OTUD3: variants seen among roughly 807,000 people sequenced by gnomAD.
OTUD3 encodes the protein OTU deubiquitinase 3.
In OTUD3, 24 loss-of-function variants were observed where a neutral mutation model predicts 46.2. The ratio of observed to expected loss-of-function variants is 0.52; its 90% CI spans 0.38 to 0.73. The LOEUF is 0.73. Ranked by LOEUF, OTUD3 falls within the 30% of genes least tolerant of loss-of-function variation. The pLI is 0.00. For synonymous variants in OTUD3, 189 were observed against 195.4 expected (o/e 0.97, Z 0.27); for missense variants, 455 against 523.3 (o/e 0.87, Z 1.27).
intron 3 of OTUD3, 123 bp from the exon 4 acceptor site, chr1:19,897,417 G>A (rs1422611552): frequency 4.5e-6 from 4 of 885,244 alleles, no homozygotes; most frequent in Admixed American, 2.5e-5. Flanking sequence ...TCCCAGGTGT[G>A]TTCCCAATTA....
intron 4 of OTUD3, among the ~76,000 whole-genome samples, chr1:19,898,390 A>G (rs2045544499): frequency 6.6e-6 from 1 of 152,146 alleles, no homozygotes; most frequent in Non-Finnish European, 1.5e-5. Flanking sequence ...GCATTAAAAC[A>G]TGGTTGACAT....
At chr1:19,894,614 C>T (rs576350583) in intron 3 of OTUD3, 134 bp downstream of exon 3, 4 of 551,338 alleles carry the variant, frequency 7.3e-6, no homozygotes, top group Middle Eastern at 3.9e-4. Flanking sequence ...TAACCAAAGA[C>T]AAAAATCTTG....
In OTUD3 at chr1:19,897,549, A is replaced by G. The variant is rs528426495; in HGVS notation, c.493A>G (p.Thr165Ala). 4.3e-6 allele frequency: 7 copies of G among 1,613,884 alleles called. No homozygotes were observed. Among genetic ancestry groups the G allele is most frequent in the Non-Finnish European group, 5.9e-6 (7 of 1,179,952 alleles). ...LNAPLWQIRG[T>A]EKSSVRELHI... is the part of the protein sequence containing the mutation. Reference sequence around the variant, plus strand: ...CTTCTTTTGTCTACAGATTCGTGGTACAGAGAAAAGCAGCGTGAGGGAGTT... The same window carrying G: ...CTTCTTTTGTCTACAGATTCGTGGTGCAGAGAAAAGCAGCGTGAGGGAGTT... The change falls in exon 4 of 8, where the codon ACA becomes GCA. Residue 165 changes from threonine (T) to alanine (A), a missense_variant. Coordinates refer to ENST00000375120, the MANE Select transcript of OTUD3 (RefSeq NM_015207.2).
chr1:19,906,358 G>T, intron 6 of OTUD3, 74 bp from the exon 7 acceptor site: 7 of 1,318,714 alleles, frequency 5.3e-6, no homozygotes, highest in Non-Finnish European at 7.2e-6. Context: ...AGGTAATTTT[G>T]GAATCATTAA....
At chr1:19,891,667 G>A (rs1430949790) in intron 2 of OTUD3, among the ~76,000 whole-genome samples, 1 of 152,194 alleles carries the variant, frequency 6.6e-6, no homozygotes, top group Non-Finnish European at 1.5e-5. Flanking sequence ...TGGGTAATTG[G>A]CTGTACCGTT....
rs1318187633 is a variant in OTUD3, at chr1:19,887,949, A to G, written c.222-2436A>G. 3.9e-5 allele frequency among the ~76,000 whole-genome samples: 6 copies of G among 152,338 alleles called. No homozygotes were observed. The East Asian group carries it at 9.6e-4, about 24-fold the overall frequency. ...TGCGTGTGTTGCAATATTGTCTAAT[A>G]GTAAATTATTGCGCACTCAAAACAT... On this transcript the variant is annotated intron_variant, in intron 1 of 7. Transcript: ENST00000375120.
chr1:19,887,031 A>G (rs905885610), intron 1 of OTUD3, among the ~76,000 whole-genome samples: 10 of 152,054 alleles, frequency 6.6e-5, no homozygotes, highest in Non-Finnish European at 1.2e-4. Flanking sequence ...CTATTTTGAC[A>G]TACAATTCAA....
intron 1 of OTUD3, among the ~76,000 whole-genome samples, 170 bp downstream of exon 1, chr1:19,882,904 A>G (rs2045292220): frequency 6.6e-6 from 1 of 152,224 alleles, no homozygotes; most frequent in South Asian, 2.1e-4. Flanking sequence ...GAGGCGGACA[A>G]GCCCCTCGCC....
intron 4 of OTUD3, among the ~76,000 whole-genome samples, chr1:19,898,637 A>G (rs969570336): frequency 2.0e-5 from 3 of 151,782 alleles, no homozygotes; most frequent in Non-Finnish European, 4.4e-5. Flanking sequence ...CTGAGGCAGG[A>G]GAATCACTTG....
chr1:19,897,237 C>G (rs910556067), intron 3 of OTUD3, among the ~76,000 whole-genome samples: 4 of 152,138 alleles, frequency 2.6e-5, no homozygotes, highest in Admixed American at 2.6e-4. Flanking sequence ...ATTAGAGGGG[C>G]TCAGAGGTAA....
At chr1:19,902,456 C>T (rs1312079726) in intron 4 of OTUD3, among the ~76,000 whole-genome samples, 3 of 152,166 alleles carry the variant, frequency 2.0e-5, no homozygotes, top group Admixed American at 1.3e-4. Flanking sequence ...CCACCCACCT[C>T]GGCCTCCCAA....
In OTUD3 at chr1:19,911,288, C is replaced by T. The variant is rs1418742967; in HGVS notation, c.*3542C>T. 1 of 152,236 alleles carries T rather than the reference C, an allele frequency of 6.6e-6. No individual in the cohort carries two copies. Among genetic ancestry groups the T allele is most frequent in the African/African-American group, 2.4e-5 (1 of 41,392 alleles). The allele number at this position is 152,236 out of a possible 1,614,324, so 9.4% of individuals were successfully genotyped here. A position where few individuals can be genotyped will look rare whatever the true frequency, so the allele number is the denominator to read the frequency against. On this transcript the variant is annotated 3_prime_UTR_variant, in exon 8 of 8. Transcript: ENST00000375120. The stretch of plus-strand genomic sequence containing the variant: ...TGCCATTCTCATTATTCACAGCTTT[C>T]AGAACAAGTGTTGCTAAAACTCCGG...
chr1:19,901,752 G>T (rs1208546492), intron 4 of OTUD3, among the ~76,000 whole-genome samples: 2 of 152,170 alleles, frequency 1.3e-5, no homozygotes, highest in Non-Finnish European at 2.9e-5. Context: ...GACATTTTAT[G>T]TAAATGGAAT....
chr1:19,896,075 T>C (rs1332455839), intron 3 of OTUD3, among the ~76,000 whole-genome samples: 2 of 152,176 alleles, frequency 1.3e-5, no homozygotes, highest in Non-Finnish European at 2.9e-5. Context: ...ATATTTCCAT[T>C]GGATCCCCCT....
chr1:19,901,001 C>T (rs1050252896), intron 4 of OTUD3, among the ~76,000 whole-genome samples: 1 of 150,436 alleles, frequency 6.6e-6, no homozygotes, highest in African/African-American at 2.5e-5. Flanking sequence ...CCTCTGCCTC[C>T]CGGGTTCAAG....
In OTUD3 at chr1:19,882,710, A is replaced by G; in HGVS notation, c.197A>G (p.Lys66Arg). Residue 66 changes from lysine to arginine, a missense_variant, in exon 1 of 8, where the codon AAG becomes AGG. By Grantham distance (26) the Lys-to-Arg change is conservative. Transcript: ENST00000375120. ...AACCAGCTGCAGGCCCTGGGGCTGA[A>G]GCTGCGGGAGGTGCCGGGGGACGGG... is the stretch of plus-strand genomic sequence containing the variant. Reference protein sequence around the residue: ...FANQLQALGLKLREVPGDGNC... With the variant: ...FANQLQALGLRLREVPGDGNC... The G allele has an allele frequency of 7.2e-7, 1 of 1,397,362 alleles. No individual in the cohort carries two copies. Among genetic ancestry groups the G allele is most frequent in the Non-Finnish European group, 9.3e-7 (1 of 1,074,282 alleles). 86.6% of individuals were successfully genotyped at this position (1,397,362 alleles called of 1,614,324 possible).
intron 2 of OTUD3, among the ~76,000 whole-genome samples, chr1:19,892,476 A>G (rs941827768): frequency 6.6e-6 from 1 of 152,172 alleles, no homozygotes; most frequent in African/African-American, 2.4e-5. Flanking sequence ...ATGGTTCACT[A>G]TACTATTAAG....
At chr1:19,882,804 C>A (rs2045289507) in intron 1 of OTUD3, 70 bp downstream of exon 1, 5 of 1,222,676 alleles carry the variant, frequency 4.1e-6, no homozygotes, top group Non-Finnish European at 4.1e-6. Flanking sequence ...GACCGTTGCC[C>A]GCTCGCGTCC....
intron 4 of OTUD3, among the ~76,000 whole-genome samples, chr1:19,899,304 C>T (rs1238198836): frequency 2.0e-5 from 3 of 152,148 alleles, no homozygotes; most frequent in African/African-American, 7.2e-5. Context: ...TAGATGTGCA[C>T]ATATTCCACT....
Sources: allele counts gnomAD v4.1 joint callset (sites outside exome capture counted in the v4.1 genomes callset), GRCh38; gene constraint gnomAD v4.1.1; transcripts MANE v1.5; gene names NCBI Gene and HGNC (gene_info 2026-07-23, HGNC 2026-07-21).